Variants in PARD3B observed in about 807,000 individuals in gnomAD.
PARD3B encodes partitioning defective 3 homolog B.
PARD3B carries 103 observed loss-of-function variants against 130.2 expected under a neutral mutation model. The ratio of observed to expected loss-of-function variants is 0.79; its 90% CI spans 0.67 to 0.93. The LOEUF (loss-of-function observed/expected upper bound fraction) is 0.93. PARD3B is among the 40% of genes least tolerant of loss of function. PARD3B has a pLI of 0.00. For missense variants in PARD3B, 1,609 were observed against 1,499.2 expected (o/e 1.07, Z -1.21); for synonymous variants, 583 against 553.2 (o/e 1.05, Z -0.76).
In PARD3B at chr2:204,822,096, C is replaced by T. The variant is rs182061952; in HGVS notation, c.222+135814C>T. On this transcript the variant is annotated intron_variant, in intron 2 of 22. Coordinates refer to ENST00000406610, the MANE Select transcript of PARD3B (RefSeq NM_001302769.2). The stretch of plus-strand genomic sequence containing the variant: ...GGAAAGGATTCACCATTCTAGATGC[C>T]GTTAAGAACATCCATGATTCACAGC... Among the ~76,000 whole-genome samples, 347 of 152,264 alleles carry T rather than the reference C, an allele frequency of 2.3e-3. 1 individual carries two copies. Among genetic ancestry groups the T allele is most frequent in the African/African-American group, 7.9e-3 (330 of 41,550 alleles).
chr2:205,538,472 TAC>T (rs71410824), intron 21 of PARD3B, among the ~76,000 whole-genome samples: 113 of 150,632 alleles, frequency 7.5e-4, no homozygotes, highest in Middle Eastern at 3.5e-3. Flanking sequence ...CACGTGTGTG[TAC>T]ACACACACAC....
chr2:205,346,966 T>C (rs544199654), intron 18 of PARD3B, among the ~76,000 whole-genome samples: 1 of 143,856 alleles, frequency 7.0e-6, no homozygotes, highest in East Asian at 1.9e-4. Flanking sequence ...CTACCATGGC[T>C]GAACACAGTG....
chr2:204,900,678 G>T lies in PARD3B; in HGVS notation c.223-64474G>T, dbSNP rs190710729. 7.2e-5 allele frequency among the ~76,000 whole-genome samples: 11 copies of T among 152,218 alleles called. No individual in the cohort carries two copies. In the East Asian group the frequency reaches 2.1e-3, roughly 29 times the overall value. ...ATTTTCCTGGACCTTCTTTATGCTC[G>T]TGGATGTTTGTCATTGTCTGGGCAT... On this transcript the variant is annotated intron_variant, in intron 2 of 22. Coordinates refer to ENST00000406610, the MANE Select transcript of PARD3B (RefSeq NM_001302769.2).
At chr2:205,522,574 A>G (rs1410244111) in intron 21 of PARD3B, among the ~76,000 whole-genome samples, 1 of 125,714 alleles carries the variant, frequency 8.0e-6, no homozygotes, top group Non-Finnish European at 1.7e-5. Context: ...ATACTTACTG[A>G]GTTCCTATAG....
rs11904697 is a variant in PARD3B at position 204,638,001 on chromosome 2, G to A, written c.121-48180G>A. Among the ~76,000 whole-genome samples, 1,117 of 152,156 alleles carry A rather than the reference G, an allele frequency of 7.3e-3. 13 individuals carry two copies. The highest frequency in any genetic ancestry group is 0.024 in the African/African-American group (1,014 of 41,490). ...CTACTTTCTTACGGCATTATCCCTG[G>A]TAAGAAACTATCTCTAAGCTGCAAG... On this transcript the variant is annotated intron_variant, in intron 1 of 22. Coordinates refer to ENST00000406610, the MANE Select transcript of PARD3B (RefSeq NM_001302769.2).
At chr2:205,016,050 C>T (rs1696120963) in intron 3 of PARD3B, among the ~76,000 whole-genome samples, 1 of 152,234 alleles carries the variant, frequency 6.6e-6, no homozygotes, top group Non-Finnish European at 1.5e-5. Flanking sequence ...GTCTCTTTGT[C>T]TGCCTAGGCC....
intron 3 of PARD3B, among the ~76,000 whole-genome samples, chr2:205,027,847 C>T (rs1402591027): frequency 6.6e-6 from 1 of 152,082 alleles, no homozygotes; most frequent in African/African-American, 2.4e-5. Flanking sequence ...GCATTCTTGG[C>T]ACTCTTGTCA....
chr2:204,647,839 G>A (rs2035327432), intron 1 of PARD3B, among the ~76,000 whole-genome samples: 1 of 151,482 alleles, frequency 6.6e-6, no homozygotes, highest in Non-Finnish European at 1.5e-5. Flanking sequence ...GTAACAGAAA[G>A]GCAGAACATC....
intron 18 of PARD3B, among the ~76,000 whole-genome samples, chr2:205,382,978 T>G (rs1384834724): frequency 6.6e-6 from 1 of 151,996 alleles, no homozygotes; most frequent in African/African-American, 2.4e-5. Flanking sequence ...TCCGAGGAAG[T>G]CTGGCTCCTT....
At chr2:205,237,508 C>T (rs2039121372) in intron 15 of PARD3B, among the ~76,000 whole-genome samples, 1 of 152,064 alleles carries the variant, frequency 6.6e-6, no homozygotes, top group African/African-American at 2.4e-5. Flanking sequence ...AATTATCATA[C>T]CAGAAAGACA....
intron 4 of PARD3B, among the ~76,000 whole-genome samples, chr2:205,067,336 A>T (rs187299903): frequency 7.8e-4 from 118 of 151,724 alleles, no homozygotes; most frequent in African/African-American, 2.7e-3. Flanking sequence ...AATTAAAAAA[A>T]TTTTTTTGTA....
chr2:204,564,921 A>G (rs756739554), intron 1 of PARD3B, among the ~76,000 whole-genome samples: 8 of 152,240 alleles, frequency 5.3e-5, no homozygotes, highest in Non-Finnish European at 1.0e-4. Flanking sequence ...CATTTATTAT[A>G]TCACAGTTTC....
chr2:204,656,317 G>A (rs552347555), intron 1 of PARD3B, among the ~76,000 whole-genome samples: 2 of 152,212 alleles, frequency 1.3e-5, no homozygotes, highest in Non-Finnish European at 2.9e-5. Context: ...AGAAAAGTCA[G>A]TAGAAGGCAT....
chr2:204,972,583 C>T (rs957857395), intron 3 of PARD3B, among the ~76,000 whole-genome samples: 2 of 151,894 alleles, frequency 1.3e-5, no homozygotes, highest in African/African-American at 4.8e-5. Context: ...TGGTTGTACT[C>T]AAATAAAATA....
chr2:205,126,181 T>C (rs1010016827), intron 10 of PARD3B, among the ~76,000 whole-genome samples: 3 of 152,106 alleles, frequency 2.0e-5, no homozygotes, highest in African/African-American at 7.2e-5. Context: ...CATGATAACA[T>C]AGAACAAGGG....
At chr2:205,375,131 C>T (rs1029337823) in intron 18 of PARD3B, among the ~76,000 whole-genome samples, 6 of 152,100 alleles carry the variant, frequency 3.9e-5, no homozygotes, top group African/African-American at 1.2e-4. Flanking sequence ...TTCTTATAAT[C>T]GTTGTCAATG....
At chr2:205,422,680 C>A (rs1407158493) in intron 19 of PARD3B, among the ~76,000 whole-genome samples, 1 of 152,166 alleles carries the variant, frequency 6.6e-6, no homozygotes, top group African/African-American at 2.4e-5. Flanking sequence ...TAGCAATTTG[C>A]AGTTCCCATA....
chr2:205,294,046 C>G (rs1011551385), intron 16 of PARD3B, among the ~76,000 whole-genome samples: 2 of 152,140 alleles, frequency 1.3e-5, no homozygotes, highest in African/African-American at 4.8e-5. Flanking sequence ...ACCCACATGT[C>G]TCTTCTGGAG....
intron 19 of PARD3B, among the ~76,000 whole-genome samples, chr2:205,423,743 G>T (rs1242527698): frequency 2.0e-5 from 3 of 152,162 alleles, no homozygotes; most frequent in Admixed American, 6.5e-5. Context: ...ATACACCGTG[G>T]AATACTCTGC....
Sources: gnomAD v4.1 joint callset for allele counts (sites outside exome capture counted in the v4.1 genomes callset) on GRCh38, gnomAD v4.1.1 for gene constraint, MANE v1.5 for transcripts, NCBI Gene and HGNC (gene_info 2026-07-23, HGNC 2026-07-21) for gene names.